The following RXRA variants were observed in gnomAD, a reference collection of about 807,000 sequenced individuals.
The protein encoded by RXRA is retinoid X receptor alpha.
In RXRA, 5 loss-of-function variants were observed where a neutral mutation model predicts 44.5. The ratio of observed to expected loss-of-function variants is 0.11; its 90% confidence interval spans 0.06 to 0.24. The LOEUF is 0.24. Among genes scored for constraint, RXRA ranks in the 10% least tolerant of loss-of-function variants. The probability of loss-of-function intolerance (pLI) is 1.00; values close to 1 mark genes in which losing one functional copy is unlikely to be tolerated. For synonymous variants in RXRA, 291 were observed against 271.4 expected (o/e 1.07, Z -0.71); for missense variants, 412 against 646.5 (o/e 0.64, Z 3.93).
Position 134,379,132 on chromosome 9 carries a change from T to C in RXRA, c.29-22500T>C, listed in dbSNP as rs541735265. ...GGGCCACCCGGCTCCTCCAGCCTTA[T>C]AGCTCCTCCCCACCACACCTCCTCT... On this transcript the variant is annotated intron_variant, in intron 1 of 9. Coordinates refer to ENST00000481739, the MANE Select transcript of RXRA (RefSeq NM_002957.6). Among the ~76,000 whole-genome samples, 77 of 152,248 alleles carry C rather than the reference T, an allele frequency of 5.1e-4. No homozygotes were observed. In the South Asian group the frequency reaches 0.011, roughly 21 times the overall value.
intron 1 of RXRA, among the ~76,000 whole-genome samples, chr9:134,380,948 CA>C (rs1830635517): frequency 6.6e-6 from 1 of 152,180 alleles, no homozygotes; most frequent in Non-Finnish European, 1.5e-5. Context: ...GCTGAGGGTT[CA>C]GGGGGTGCCC....
chr9:134,377,591 T>C (rs1048955972), intron 1 of RXRA, among the ~76,000 whole-genome samples: 4 of 152,202 alleles, frequency 2.6e-5, no homozygotes, highest in Non-Finnish European at 4.4e-5. Context: ...CTCGGAGATA[T>C]CCGTTTTCCC....
At position 134,335,481 on chromosome 9, in the gene RXRA, C is replaced by T. The variant is rs577818850; in HGVS notation, c.28+8822C>T. 1.3e-3 allele frequency among the ~76,000 whole-genome samples: 194 copies of T among 152,274 alleles called. 2 individuals are homozygous for T. Among genetic ancestry groups the T allele is most frequent in the African/African-American group, 4.1e-3 (172 of 41,548 alleles). On this transcript the variant is annotated intron_variant, in intron 1 of 9. Transcript: ENST00000481739. ...AGGGTATGGGGAAGGGATGCCCGTGCGGGCGTAAGTAGGGGCTTCCCTGGA... is the reference window on the plus strand; with the variant it reads ...AGGGTATGGGGAAGGGATGCCCGTGTGGGCGTAAGTAGGGGCTTCCCTGGA...
rs576727860 is a variant in RXRA at position 134,404,815 on chromosome 9, C to T, written c.279+2933C>T. 4.6e-5 allele frequency: 7 copies of T among 152,556 alleles called. No individual in the cohort carries two copies. The East Asian group carries it at 1.4e-3, about 29-fold the overall frequency. 9.5% of individuals were successfully genotyped at this position (152,556 alleles called of 1,614,324 possible). On this transcript the variant is annotated intron_variant, in intron 2 of 9. Coordinates refer to ENST00000481739, the MANE Select transcript of RXRA (RefSeq NM_002957.6). ...CTCCTGGCGCAGAGTGGGCCTTTCC[C>T]AAGTCGGGGCTGGTGGAGAGACCCT...
intron 8 of RXRA, 59 bp from the exon 9 acceptor site, chr9:134,434,043 G>T (rs1831574994): frequency 7.5e-7 from 1 of 1,329,430 alleles, no homozygotes; most frequent in Non-Finnish European, 1.1e-6. Context: ...GGGTCCTGGG[G>T]GCAGGTGCCC....
At chr9:134,429,428 G>A (rs898164476) in intron 7 of RXRA, among the ~76,000 whole-genome samples, 188 bp downstream of exon 7, 3 of 152,220 alleles carry the variant, frequency 2.0e-5, no homozygotes, top group East Asian at 1.9e-4. Context: ...CTGCCTCTGG[G>A]GCATCTGTAA....
chr9:134,418,034 CT>C (rs1831269657), intron 5 of RXRA, among the ~76,000 whole-genome samples: 1 of 152,194 alleles, frequency 6.6e-6, no homozygotes, highest in Admixed American at 6.5e-5. Context: ...CTCCCTGTTA[CT>C]GGCTCGCTCC....
At chr9:134,355,122 G>A (rs1554749923) in intron 1 of RXRA, among the ~76,000 whole-genome samples, 2 of 152,240 alleles carry the variant, frequency 1.3e-5, no homozygotes, top group African/African-American at 4.8e-5. Flanking sequence ...TGGGGTTCAA[G>A]GTGGGGCTGG....
rs530350422 is a variant in RXRA, at chr9:134,344,859, C to T, written c.28+18200C>T. 1.3e-3 allele frequency among the ~76,000 whole-genome samples: 194 copies of T among 152,346 alleles called. 1 individual carries two copies. Among genetic ancestry groups the T allele is most frequent in the African/African-American group, 4.4e-3 (182 of 41,570 alleles). On this transcript the variant is annotated intron_variant, in intron 1 of 9. Coordinates refer to ENST00000481739, the MANE Select transcript of RXRA (RefSeq NM_002957.6). ...TCTATGGGCACTGGGCTTCCTGTCC[C>T]AACACACTGGTGGTAGTGATGGGAC...
intron 1 of RXRA, among the ~76,000 whole-genome samples, chr9:134,376,620 A>G (rs149447015): frequency 6.6e-6 from 1 of 150,676 alleles, no homozygotes; most frequent in Non-Finnish European, 1.5e-5. Flanking sequence ...GGTGATGCTT[A>G]GGGAGCTCTC....
intron 1 of RXRA, among the ~76,000 whole-genome samples, chr9:134,347,507 A>G (rs1311739642): frequency 2.0e-5 from 3 of 152,172 alleles, no homozygotes. Context: ...CTGGTCAGTC[A>G]GAGCCAGCCC....
intron 7 of RXRA, among the ~76,000 whole-genome samples, chr9:134,430,768 T>G (rs976553883): frequency 7.2e-5 from 11 of 152,314 alleles, no homozygotes; most frequent in African/African-American, 1.4e-4. Flanking sequence ...AGATCCTTTG[T>G]CTGGCTGGTA....
chr9:134,351,342 C>T (rs1181473979), intron 1 of RXRA, among the ~76,000 whole-genome samples: 5 of 152,288 alleles, frequency 3.3e-5, no homozygotes, highest in South Asian at 4.1e-4. Context: ...ATGCCAGCAG[C>T]GGGCAGAGGG....
chr9:134,436,965 TGGGAAC>T lies in RXRA; in HGVS notation c.*355_*360del, dbSNP rs1336892333. ...GCCCCAGCCCTGGAGCTGCAGGAGT[TGGGAAC>T]GGGGCTTTTGTTTCCGTTGCTGTTT... On this transcript the variant is annotated 3_prime_UTR_variant, in exon 10 of 10. Transcript: ENST00000481739. 4 of 261,178 alleles carry T rather than the reference TGGGAAC, an allele frequency of 1.5e-5. No homozygotes were observed. The allele number at this position is 261,178 out of a possible 1,614,324, so 16.2% of individuals were successfully genotyped here.
At chr9:134,380,065 C>G in intron 1 of RXRA, 1 of 985,402 alleles carries the variant, frequency 1.0e-6, no homozygotes, top group African/African-American at 1.7e-5. Flanking sequence ...TTCCTGCCCT[C>G]TCCCCTGCAG....
Position 134,436,821 on chromosome 9 carries a change from T to C in RXRA, c.*207T>C, listed in dbSNP as rs868039786. 4 of 606,926 alleles carry C rather than the reference T, an allele frequency of 6.6e-6. No homozygotes were observed. Among genetic ancestry groups the C allele is most frequent in the African/African-American group, 3.7e-5 (2 of 53,974 alleles). The allele number at this position is 606,926 out of a possible 1,614,324, so 37.6% of individuals were successfully genotyped here. On this transcript the variant is annotated 3_prime_UTR_variant, in exon 10 of 10. Coordinates refer to ENST00000481739, the MANE Select transcript of RXRA (RefSeq NM_002957.6). ...TGTCTGTGGCCCAGGGCAGTGGCTT[T>C]CCTGAGGCAGCAGCCTTCGTGGCAA...
chr9:134,390,609 C>T (rs1377412053), intron 1 of RXRA, among the ~76,000 whole-genome samples: 3 of 152,206 alleles, frequency 2.0e-5, no homozygotes, highest in African/African-American at 7.2e-5. Context: ...AGGCTGAGCT[C>T]GGAAGAGGCA....
chr9:134,367,458 C>T (rs772101809), intron 1 of RXRA, among the ~76,000 whole-genome samples: 16 of 152,212 alleles, frequency 1.1e-4, no homozygotes, highest in African/African-American at 1.4e-4. Context: ...CATGCAGGGA[C>T]GACGTGCCAG....
intron 7 of RXRA, among the ~76,000 whole-genome samples, chr9:134,430,927 C>G (rs1181476406): frequency 6.6e-6 from 1 of 152,224 alleles, no homozygotes; most frequent in East Asian, 1.9e-4. Context: ...GCCCGCTGCC[C>G]CATCCCTCTG....
Sources: allele counts gnomAD v4.1 joint callset (sites outside exome capture counted in the v4.1 genomes callset), GRCh38; gene constraint gnomAD v4.1.1; transcripts MANE v1.5; gene names NCBI Gene and HGNC (gene_info 2026-07-23, HGNC 2026-07-21).